The following ADAMTS19 variants were observed in gnomAD, a reference collection of about 807,000 sequenced individuals.
ADAMTS19 encodes the protein A disintegrin and metalloproteinase with thrombospondin motifs 19.
Under a neutral mutation model 153.3 loss-of-function variants are expected in ADAMTS19, and 93 were observed. The observed-to-expected ratio is 0.61, with a 90% CI of 0.51 to 0.72. The LOEUF (loss-of-function observed/expected upper bound fraction) is 0.72. ADAMTS19 is among the 30% of genes least tolerant of loss of function. ADAMTS19 has a pLI of 0.00. For synonymous variants in ADAMTS19, 600 were observed against 556.6 expected, an observed-to-expected ratio of 1.08 and a Z score of -1.10; for missense variants, 1,482 against 1,552.1, an observed-to-expected ratio of 0.95 and a Z score of 0.76.
chr5:129,484,617 T>C (rs532663036), intron 2 of ADAMTS19, among the ~76,000 whole-genome samples: 2 of 152,284 alleles, frequency 1.3e-5, no homozygotes, highest in East Asian at 1.9e-4. Flanking sequence ...GCAGTGTTTA[T>C]ATAATTTTTG....
chr5:129,542,734 T>C (rs1313763125), intron 6 of ADAMTS19, among the ~76,000 whole-genome samples: 1 of 152,200 alleles, frequency 6.6e-6, no homozygotes, highest in Non-Finnish European at 1.5e-5. Flanking sequence ...GAAAGATATA[T>C]ATATTTACAG....
chr5:129,708,345 C>T (rs1157695809), intron 21 of ADAMTS19, among the ~76,000 whole-genome samples: 1 of 152,120 alleles, frequency 6.6e-6, no homozygotes, highest in Admixed American at 6.5e-5. Context: ...CTATATCTCT[C>T]TCTGCTATAG....
At chr5:129,706,225 AC>A in intron 21 of ADAMTS19, among the ~76,000 whole-genome samples, 1 of 152,308 alleles carries the variant, frequency 6.6e-6, no homozygotes, top group Middle Eastern at 3.4e-3. Flanking sequence ...ATATTTACAA[AC>A]CACGTAAAAA....
intron 15 of ADAMTS19, among the ~76,000 whole-genome samples, chr5:129,663,380 T>A (rs567869417): frequency 2.7e-4 from 41 of 152,312 alleles, no homozygotes; most frequent in African/African-American, 9.6e-4. Context: ...AGATTCCAGA[T>A]GTTACAGAGT....
intron 10 of ADAMTS19, 70 bp downstream of exon 10, chr5:129,622,418 A>C: frequency 6.4e-7 from 1 of 1,555,016 alleles, no homozygotes; most frequent in Non-Finnish European, 8.8e-7. Context: ...GGAGAAGGTA[A>C]CATTATTTTA....
At chr5:129,707,394 C>T (rs1561661383) in intron 21 of ADAMTS19, among the ~76,000 whole-genome samples, 1 of 152,100 alleles carries the variant, frequency 6.6e-6, no homozygotes, top group Non-Finnish European at 1.5e-5. Context: ...AATATAAGTG[C>T]TTTTTTCCTT....
intron 6 of ADAMTS19, among the ~76,000 whole-genome samples, chr5:129,543,043 G>GTT (rs1255605166): frequency 6.9e-6 from 1 of 145,552 alleles, no homozygotes; most frequent in African/African-American, 2.5e-5. Context: ...TGTTGTTGTT[G>GTT]TTTTGTTTTT....
At chr5:129,661,578 T>C (rs904566290) in intron 15 of ADAMTS19, among the ~76,000 whole-genome samples, 1 of 152,228 alleles carries the variant, frequency 6.6e-6, no homozygotes, top group South Asian at 2.1e-4. Flanking sequence ...TCAGTCCCTG[T>C]GCTCTATTTA....
chr5:129,734,548 G>A (rs1757583775), intron 21 of ADAMTS19, among the ~76,000 whole-genome samples: 4 of 151,900 alleles, frequency 2.6e-5, no homozygotes, highest in South Asian at 2.1e-4. Context: ...TCTGAACATC[G>A]ATGATTAAAT....
chr5:129,687,572 C>T (rs911890307), intron 18 of ADAMTS19, among the ~76,000 whole-genome samples: 1 of 151,928 alleles, frequency 6.6e-6, no homozygotes, highest in African/African-American at 2.4e-5. Context: ...TTTTTTGTTT[C>T]AGGGTCAGGA....
intron 21 of ADAMTS19, among the ~76,000 whole-genome samples, chr5:129,721,871 C>A (rs185562097): frequency 6.6e-6 from 1 of 152,094 alleles, no homozygotes; most frequent in Non-Finnish European, 1.5e-5. Flanking sequence ...TCTTTCCCTG[C>A]GTTAGTTTGC....
At chr5:129,601,618 A>G (rs1427616281) in intron 8 of ADAMTS19, among the ~76,000 whole-genome samples, 2 of 152,204 alleles carry the variant, frequency 1.3e-5, no homozygotes, top group African/African-American at 4.8e-5. Flanking sequence ...AAAAGCATCA[A>G]AGGAAAAAGT....
At chr5:129,509,427 A>G (rs981603061) in intron 3 of ADAMTS19, among the ~76,000 whole-genome samples, 185 bp downstream of exon 3, 2 of 152,040 alleles carry the variant, frequency 1.3e-5, no homozygotes, top group African/African-American at 2.4e-5. Flanking sequence ...ACATTTTAAT[A>G]TCAAAAAGTA....
intron 2 of ADAMTS19, among the ~76,000 whole-genome samples, chr5:129,486,458 C>G (rs1750594931): frequency 6.6e-6 from 1 of 152,148 alleles, no homozygotes; most frequent in East Asian, 1.9e-4. Context: ...GTGTCATTCA[C>G]CACCATAAAT....
intron 17 of ADAMTS19, among the ~76,000 whole-genome samples, chr5:129,681,684 ATC>A (rs1754823016): frequency 6.6e-6 from 1 of 152,128 alleles, no homozygotes; most frequent in South Asian, 2.1e-4. Flanking sequence ...AAGAACTTGG[ATC>A]CAAAGCTTAG....
intron 21 of ADAMTS19, among the ~76,000 whole-genome samples, chr5:129,708,555 C>G (rs1390611710): frequency 8.0e-6 from 1 of 125,064 alleles, no homozygotes; most frequent in African/African-American, 3.1e-5. Context: ...ACTTCTGCAA[C>G]TCCTGATTTT....
intron 6 of ADAMTS19, among the ~76,000 whole-genome samples, chr5:129,536,484 C>A (rs1459194733): frequency 1.3e-5 from 2 of 152,152 alleles, no homozygotes; most frequent in African/African-American, 2.4e-5. Flanking sequence ...CTAGTTCAAC[C>A]ATTGTGGAAG....
At chr5:129,619,721 T>C (rs529587568) in intron 8 of ADAMTS19, among the ~76,000 whole-genome samples, 1 of 151,964 alleles carries the variant, frequency 6.6e-6, no homozygotes, top group Non-Finnish European at 1.5e-5. Flanking sequence ...TTGTATATAC[T>C]GTCATAAGGA....
chr5:129,676,289 G>C (rs984211510), intron 16 of ADAMTS19, among the ~76,000 whole-genome samples: 2 of 152,128 alleles, frequency 1.3e-5, no homozygotes, highest in African/African-American at 4.8e-5. Flanking sequence ...TTGCAGATCA[G>C]CTTAACTTCT....
Sources: allele counts gnomAD v4.1 joint callset (sites outside exome capture counted in the v4.1 genomes callset), GRCh38; gene constraint gnomAD v4.1.1; transcripts MANE v1.5; gene names NCBI Gene and HGNC (gene_info 2026-07-23, HGNC 2026-07-21).